Variants in ALOX5 observed in about 807,000 individuals in gnomAD.
ALOX5 encodes the protein arachidonate 5-lipoxygenase, also known as polyunsaturated fatty acid 5-lipoxygenase.
ALOX5 carries 64 observed loss-of-function variants against 87.9 expected under a neutral mutation model. That is an observed-to-expected ratio of 0.73 (90% CI 0.60 to 0.90). The LOEUF (loss-of-function observed/expected upper bound fraction) is 0.90. ALOX5 is among the 40% of genes least tolerant of loss of function. The pLI is 0.00. For missense variants in ALOX5, 822 were observed against 907.5 expected, an observed-to-expected ratio of 0.91 and a Z score of 1.21; for synonymous variants, 388 against 355.1, an observed-to-expected ratio of 1.09 and a Z score of -1.04.
chr10:45,409,581 C>CTCTCTCTG (rs1464891829), intron 3 of ALOX5, among the ~76,000 whole-genome samples: 1 of 151,202 alleles, frequency 6.6e-6, no homozygotes, highest in South Asian at 2.1e-4. Flanking sequence ...CTCTCTCTCT[C>CTCTCTCTG]TCTCTCTGTC....
Position 45,443,769 on chromosome 10 carries a change from T to C in ALOX5, c.1615T>C (p.Tyr539His). The change falls in exon 12 of 14, where the codon TAC becomes CAC. Residue 539 changes from tyrosine to histidine, a missense_variant. Physicochemically the swap from Tyr to His is moderately conservative, Grantham distance 83. Transcript: ENST00000374391. ...CAAGAGCCGGGAGCAGCTGTCGGAG[T>C]ACCTGACCGTGGTGATCTTCACCGC... The part of the protein sequence containing the change: ...SVKSREQLSE[Y>H]LTVVIFTASA... 3 of 1,612,236 alleles carry C rather than the reference T, an allele frequency of 1.9e-6. No homozygotes were observed. Among genetic ancestry groups the C allele is most frequent in the Non-Finnish European group, 2.5e-6 (3 of 1,179,412 alleles).
intron 2 of ALOX5, among the ~76,000 whole-genome samples, chr10:45,383,316 G>A (rs1376816574): frequency 6.6e-6 from 1 of 152,198 alleles, no homozygotes; most frequent in African/African-American, 2.4e-5. Context: ...TCTTTGTTAG[G>A]GACACACAGC....
chr10:45,433,296 C>T (rs1564444812), intron 7 of ALOX5, among the ~76,000 whole-genome samples: 1 of 152,306 alleles, frequency 6.6e-6, no homozygotes. Context: ...CGGCCAGCAC[C>T]GGAGCAGATC....
chr10:45,430,230 C>T (rs1014214143), intron 7 of ALOX5, among the ~76,000 whole-genome samples: 1 of 152,162 alleles, frequency 6.6e-6, no homozygotes, highest in East Asian at 1.9e-4. Flanking sequence ...CAGCCACTTG[C>T]TAGCAGGCTG....
At chr10:45,374,925 C>T (rs1271825738) in intron 1 of ALOX5, among the ~76,000 whole-genome samples, 2 of 152,154 alleles carry the variant, frequency 1.3e-5, no homozygotes, top group Non-Finnish European at 2.9e-5. Context: ...GAAGGGTGCA[C>T]GTCAGCGGGT....
At chr10:45,408,061 C>T (rs1317250552) in intron 3 of ALOX5, among the ~76,000 whole-genome samples, 1 of 152,062 alleles carries the variant, frequency 6.6e-6, no homozygotes, top group Non-Finnish European at 1.5e-5. Flanking sequence ...TCTTTTATTT[C>T]TTTGATTTTT....
intron 3 of ALOX5, among the ~76,000 whole-genome samples, chr10:45,400,071 C>T (rs967934636): frequency 6.6e-6 from 1 of 152,174 alleles, no homozygotes; most frequent in Non-Finnish European, 1.5e-5. Context: ...CTTCAGAAAA[C>T]AGTTTAGTGG....
At chr10:45,383,919 G>T (rs1375793142) in intron 2 of ALOX5, among the ~76,000 whole-genome samples, 1 of 152,078 alleles carries the variant, frequency 6.6e-6, no homozygotes, top group East Asian at 1.9e-4. Flanking sequence ...GAAAATGCTG[G>T]CTCTGAAACT....
chr10:45,407,979 T>C (rs1033046903), intron 3 of ALOX5, among the ~76,000 whole-genome samples: 1 of 152,182 alleles, frequency 6.6e-6, no homozygotes, highest in Non-Finnish European at 1.5e-5. Context: ...CTAAATGAGT[T>C]TGGGGTCCTA....
chr10:45,389,306 A>C (rs555627224), intron 2 of ALOX5, among the ~76,000 whole-genome samples: 9 of 152,340 alleles, frequency 5.9e-5, no homozygotes, highest in Admixed American at 3.9e-4. Context: ...CACCCTAGCA[A>C]GGCAGGCCAA....
chr10:45,426,443 C>A (rs1489051635), intron 6 of ALOX5, among the ~76,000 whole-genome samples: 1 of 152,226 alleles, frequency 6.6e-6, no homozygotes, highest in Non-Finnish European at 1.5e-5. Context: ...ATTCTTAATC[C>A]CCACAGTCAT....
intron 2 of ALOX5, among the ~76,000 whole-genome samples, chr10:45,385,623 C>G (rs934382341): frequency 2.0e-5 from 3 of 152,162 alleles, no homozygotes; most frequent in African/African-American, 7.2e-5. Context: ...TAGCTGGTTC[C>G]TTAAGGTAGA....
At chr10:45,408,420 A>T (rs1174679816) in intron 3 of ALOX5, among the ~76,000 whole-genome samples, 1 of 152,206 alleles carries the variant, frequency 6.6e-6, no homozygotes, top group East Asian at 1.9e-4. Context: ...AGAGTTTCTG[A>T]TTGGCAACTG....
At chr10:45,389,754 G>C (rs1840142992) in intron 2 of ALOX5, among the ~76,000 whole-genome samples, 1 of 152,194 alleles carries the variant, frequency 6.6e-6, no homozygotes, top group Non-Finnish European at 1.5e-5. Flanking sequence ...ACATTGTAAA[G>C]ACCATCAATG....
At position 45,441,328 on chromosome 10, in the gene ALOX5, C is replaced by T; in HGVS notation, c.1186-16C>T. The T allele has an allele frequency of 6.2e-7, 1 of 1,612,420 alleles. No homozygotes were observed. Among genetic ancestry groups the T allele is most frequent in the Non-Finnish European group, 8.5e-7 (1 of 1,178,992 alleles). On this transcript the variant is annotated splice_polypyrimidine_tract_variant and intron_variant, in intron 8 of 13. Coordinates refer to ENST00000374391, the MANE Select transcript of ALOX5 (RefSeq NM_000698.5). Reference sequence around the variant, plus strand: ...GACTGGGCCCCCTCTGAGGCCTCCTCCTCTCCCCTCCCCAGCTGCTGGTGG... The same window carrying T: ...GACTGGGCCCCCTCTGAGGCCTCCTTCTCTCCCCTCCCCAGCTGCTGGTGG...
At chr10:45,384,599 T>C (rs982390093) in intron 2 of ALOX5, among the ~76,000 whole-genome samples, 1 of 152,164 alleles carries the variant, frequency 6.6e-6, no homozygotes, top group Non-Finnish European at 1.5e-5. Flanking sequence ...AATGGTGTCC[T>C]CTGGGTGCCT....
At chr10:45,427,770 C>T (rs1256442281) in intron 6 of ALOX5, among the ~76,000 whole-genome samples, 1 of 152,196 alleles carries the variant, frequency 6.6e-6, no homozygotes, top group African/African-American at 2.4e-5. Context: ...TCCTAGGGGC[C>T]CCTCTGCGGG....
intron 1 of ALOX5, among the ~76,000 whole-genome samples, chr10:45,380,409 C>G (rs1839784982): frequency 6.6e-6 from 1 of 152,200 alleles, no homozygotes; most frequent in Non-Finnish European, 1.5e-5. Context: ...CGTCAGCCAC[C>G]CCAAACTGCT....
At chr10:45,395,632 A>G (rs1393020889) in intron 2 of ALOX5, among the ~76,000 whole-genome samples, 1 of 151,950 alleles carries the variant, frequency 6.6e-6, no homozygotes, top group Non-Finnish European at 1.5e-5. Context: ...AAATTCACTA[A>G]TTAGGTGTGT....
Sources: allele counts gnomAD v4.1 joint callset (sites outside exome capture counted in the v4.1 genomes callset), GRCh38; gene constraint gnomAD v4.1.1; transcripts MANE v1.5; gene names NCBI Gene and HGNC (gene_info 2026-07-23, HGNC 2026-07-21).